Variants in SPTB observed in about 807,000 individuals in gnomAD.
SPTB encodes the protein spectrin beta, erythrocytic, also known as spectrin beta chain, erythrocytic.
SPTB carries 45 observed loss-of-function variants against 256.2 expected under a neutral mutation model. The ratio of observed to expected loss-of-function variants is 0.18; its 90% CI spans 0.14 to 0.23. The LOEUF (loss-of-function observed/expected upper bound fraction) is 0.23, where lower values mean the gene tolerates loss of function less well. Ranked by LOEUF, SPTB falls within the 10% of genes least tolerant of loss-of-function variation. The pLI, the probability that SPTB is intolerant of heterozygous loss-of-function variation, is 1.00. For synonymous variants in SPTB, 1,231 were observed against 1,243.1 expected (o/e 0.99, Z 0.21); for missense variants, 2,715 against 3,040.4 (o/e 0.89, Z 2.52).
In SPTB at chr14:64,802,341, A is replaced by T; in HGVS notation, c.475-24T>A. 6.2e-7 allele frequency: 1 copy of T among 1,611,380 alleles called. No individual in the cohort carries two copies. The highest frequency in any genetic ancestry group is 8.5e-7 in the Non-Finnish European group (1 of 1,177,892). ...ATCTGAGGGTAGCAGAACAAGAGAG[A>T]TTTGAAGAGGATGTGCATCTGGATC... On this transcript the variant is annotated intron_variant, in intron 4 of 35. Transcript: ENST00000644917. The surrounding 1 kb of genome is among the most constrained non-coding windows in gnomAD (Gnocchi z 5.1).
intron 15 of SPTB, among the ~76,000 whole-genome samples, chr14:64,788,077 TCACA>T (rs1239146124): frequency 6.6e-6 from 1 of 152,148 alleles, no homozygotes; most frequent in African/African-American, 2.4e-5. Context: ...TCAGACAAGC[TCACA>T]AATAACATAG....
Position 64,778,356 on chromosome 14 carries a change from T to C in SPTB, c.4563+801A>G, listed in dbSNP as rs1195410008. 6.6e-6 allele frequency among the ~76,000 whole-genome samples: 1 copy of C among 152,150 alleles called. No homozygotes were observed. The highest frequency in any genetic ancestry group is 2.4e-5 in the African/African-American group (1 of 41,434). On this transcript the variant is annotated intron_variant, in intron 22 of 35. Transcript: ENST00000644917. The surrounding 1 kb of genome is among the most constrained non-coding windows in gnomAD (Gnocchi z 5.2). The stretch of plus-strand genomic sequence containing the variant: ...AATACTAACCGGGCACTCTGGGACA[T>C]GTCACTTTTATCTGGGATCTAAGTT...
In SPTB at chr14:64,786,340, G is replaced by A; in HGVS notation, c.3561+64C>T. 3 of 1,594,628 alleles carry A rather than the reference G, an allele frequency of 1.9e-6. No homozygotes were observed. The highest frequency in any genetic ancestry group is 2.6e-6 in the Non-Finnish European group (3 of 1,165,814). On this transcript the variant is annotated intron_variant, in intron 16 of 35. Coordinates refer to ENST00000644917, the MANE Select transcript of SPTB (RefSeq NM_001355436.2). The surrounding 1 kb of genome is among the most constrained non-coding windows in gnomAD (Gnocchi z 5.6). ...TCCCTGAGTCTTACAGCACATTTGT[G>A]GACTCACCACAAGAGCTACTGCCCT...
At chr14:64,831,417 T>C (rs1448696459) in intron 1 of SPTB, among the ~76,000 whole-genome samples, 2 of 152,234 alleles carry the variant, frequency 1.3e-5, no homozygotes, top group African/African-American at 4.8e-5. Context: ...GGGTAATTCA[T>C]AGTAGTGAAA....
At chr14:64,876,538 C>G (rs185054965) in intron 1 of SPTB, among the ~76,000 whole-genome samples, 5 of 152,166 alleles carry the variant, frequency 3.3e-5, no homozygotes, top group Non-Finnish European at 5.9e-5. Context: ...ACGTATCTGA[C>G]GGTCTCAACA....
chr14:64,763,928 G>T, intron 32 of SPTB: 1 of 516,004 alleles, frequency 1.9e-6, no homozygotes, highest in Non-Finnish European at 3.9e-6. Flanking sequence ...GGACTGGGGT[G>T]GGGTGCCACC....
intron 1 of SPTB, among the ~76,000 whole-genome samples, chr14:64,830,097 T>C (rs1433729862): frequency 1.3e-5 from 2 of 152,192 alleles, no homozygotes; most frequent in African/African-American, 4.8e-5. Flanking sequence ...CTCAGTCTTT[T>C]TGACACTCTG....
At position 64,793,477 on chromosome 14, in the gene SPTB, T is replaced by G; in HGVS notation, c.2186A>C (p.Lys729Thr). The change falls in exon 14 of 36, where the codon AAG becomes ACG. Residue 729 changes from lysine (K) to threonine (T), a missense_variant. Physicochemically the swap from Lys to Thr is moderately conservative, Grantham distance 78. This residue lies in a region of SPTB where 2,239 missense variants were observed against 2,384.4 expected (regional missense o/e 0.94). Coordinates refer to ENST00000644917, the MANE Select transcript of SPTB (RefSeq NM_001355436.2). The surrounding 1 kb of genome is among the most constrained non-coding windows in gnomAD (Gnocchi z 7.0). ...KEVSAQWDQLKDLAAFCKKNL... is the reference protein window; with the variant it reads ...KEVSAQWDQLTDLAAFCKKNL... Reference sequence around the variant, plus strand: ...CTTCTTGCAGAAGGCAGCCAGGTCCTTCAGCTGGTCCCACTGTGCCGACAC... The same window carrying G: ...CTTCTTGCAGAAGGCAGCCAGGTCCGTCAGCTGGTCCCACTGTGCCGACAC... 1 of 1,614,180 alleles carries G rather than the reference T, an allele frequency of 6.2e-7. No homozygotes were observed. Among genetic ancestry groups the G allele is most frequent in the Non-Finnish European group, 8.5e-7 (1 of 1,180,050 alleles).
chr14:64,809,821 C>G (rs1038693457), intron 2 of SPTB, among the ~76,000 whole-genome samples: 1 of 151,966 alleles, frequency 6.6e-6, no homozygotes, highest in Admixed American at 6.6e-5. Flanking sequence ...AAAATGCATA[C>G]GAAGAAAACC....
Position 64,802,021 on chromosome 14 carries a change from C to T in SPTB, c.567-187G>A, listed in dbSNP as rs965420031. ...CATCAGATGTGAACACCACACAGAC[C>T]CCCCAGTCTGCCTGCAGGCAACTTT... On this transcript the variant is annotated intron_variant, in intron 5 of 35. Coordinates refer to ENST00000644917, the MANE Select transcript of SPTB (RefSeq NM_001355436.2). This position sits in a 1 kb window ranked among gnomAD's most constrained non-coding sequence, Gnocchi z 5.1. Among the ~76,000 whole-genome samples, 10 of 152,172 alleles carry T rather than the reference C, an allele frequency of 6.6e-5. No individual in the cohort carries two copies. Among genetic ancestry groups the T allele is most frequent in the African/African-American group, 2.2e-4 (9 of 41,442 alleles).
intron 19 of SPTB, among the ~76,000 whole-genome samples, chr14:64,783,147 T>TATA (rs2082501188): frequency 6.6e-6 from 1 of 152,196 alleles, no homozygotes; most frequent in African/African-American, 2.4e-5. Context: ...ATGTATCATT[T>TATA]TTGGGTGGGC....
At chr14:64,875,476 TCTC>T (rs1406001195) in intron 1 of SPTB, among the ~76,000 whole-genome samples, 1 of 151,940 alleles carries the variant, frequency 6.6e-6, no homozygotes, top group Non-Finnish European at 1.5e-5. Context: ...GACAGTTAAT[TCTC>T]CTGACTGCCT....
Position 64,786,774 on chromosome 14 carries a change from T to A in SPTB, c.3191A>T (p.Gln1064Leu). Residue 1064 changes from glutamine to leucine, a missense_variant, in exon 16 of 36, where the codon CAG becomes CTG. Physicochemically the swap from Gln to Leu is moderately radical, Grantham distance 113 (BLOSUM62 -2). Coordinates refer to ENST00000644917, the MANE Select transcript of SPTB (RefSeq NM_001355436.2). This position sits in a 1 kb window ranked among gnomAD's most constrained non-coding sequence, Gnocchi z 5.6. ...EDLLGEVSQLQAFLQDLDDFQ... is the reference protein window; with the variant it reads ...EDLLGEVSQLLAFLQDLDDFQ... ...GTCATCCAGATCCTGCAGGAAGGCC[T>A]GCAGCTGGCTGACTTCCCCCAGCAA... 1 of 1,614,058 alleles carries A rather than the reference T, an allele frequency of 6.2e-7. No individual in the cohort carries two copies. The highest frequency in any genetic ancestry group is 8.5e-7 in the Non-Finnish European group (1 of 1,180,020).
chr14:64,762,486 G>A (rs1251456425), intron 32 of SPTB, among the ~76,000 whole-genome samples: 3 of 152,204 alleles, frequency 2.0e-5, no homozygotes, highest in Admixed American at 6.5e-5. Context: ...GCCAGACACC[G>A]GCCAAGAGGT....
chr14:64,758,911 TCTG>T lies in SPTB; in HGVS notation c.6346-5121_6346-5119del, dbSNP rs1293771004. On this transcript the variant is annotated intron_variant, in intron 32 of 35. Transcript: ENST00000644917. This position sits in a 1 kb window ranked among gnomAD's most constrained non-coding sequence, Gnocchi z 4.6. ...GGGGCCTTTTATTTCTAGCCATGCC[TCTG>T]GGAGGGGTATGTAGGTAGAATCAAC... 6.6e-6 allele frequency among the ~76,000 whole-genome samples: 1 copy of T among 150,648 alleles called. No individual in the cohort carries two copies. Among genetic ancestry groups the T allele is most frequent in the African/African-American group, 2.5e-5 (1 of 40,796 alleles).
In SPTB at chr14:64,767,812, A is replaced by T. The variant is rs1225539653; in HGVS notation, c.6070T>A (p.Trp2024Arg). 1 of 1,613,918 alleles carries T rather than the reference A, an allele frequency of 6.2e-7. No individual in the cohort carries two copies. The highest frequency in any genetic ancestry group is 1.7e-5 in the Admixed American group (1 of 60,004). ...FSRDASVAEA[W>R]LIAQEPYLAS... is the part of the protein sequence containing the mutation. ...AGGTAGGGCTCCTGGGCAATCAGCC[A>T]CGCCTCAGCCACAGAGGCATCCCTC... is the stretch of plus-strand genomic sequence containing the variant. Residue 2024 changes from tryptophan to arginine, a missense_variant, in exon 30 of 36, where the codon TGG becomes AGG. This residue lies in a region of SPTB where 2,239 missense variants were observed against 2,384.4 expected (regional missense o/e 0.94). Coordinates refer to ENST00000644917, the MANE Select transcript of SPTB (RefSeq NM_001355436.2).
At chr14:64,791,990 G>T in intron 14 of SPTB, 134 bp from the exon 15 acceptor site, 1 of 1,241,706 alleles carries the variant, frequency 8.1e-7, no homozygotes, top group Non-Finnish European at 1.1e-6. Context: ...GCCCAGGTGA[G>T]GCAGGAGGAA....
rs539912506 is a variant in SPTB, at chr14:64,790,394, C to T, written c.2804+1325G>A. On this transcript the variant is annotated intron_variant, in intron 15 of 35. Coordinates refer to ENST00000644917, the MANE Select transcript of SPTB (RefSeq NM_001355436.2). This position sits in a 1 kb window ranked among gnomAD's most constrained non-coding sequence, Gnocchi z 4.8. ...ACCTGCTCTAGTTTCCTCAATTATGCAGCAATTGCAATAATCTCTACCACC... is the reference window on the plus strand; with the variant it reads ...ACCTGCTCTAGTTTCCTCAATTATGTAGCAATTGCAATAATCTCTACCACC... Among the ~76,000 whole-genome samples the T allele has an allele frequency of 2.6e-5, 4 of 152,276 alleles. No individual in the cohort carries two copies. In the South Asian group the frequency reaches 8.3e-4, roughly 32 times the overall value.
At position 64,873,150 on chromosome 14, in the gene SPTB, T is replaced by C. The variant is rs1882637239; in HGVS notation, c.-52+6642A>G. 6.6e-6 allele frequency among the ~76,000 whole-genome samples: 1 copy of C among 152,172 alleles called. No individual in the cohort carries two copies. The highest frequency in any genetic ancestry group is 2.4e-5 in the African/African-American group (1 of 41,444). Reference sequence around the variant, plus strand: ...CTACCTGAAATAGTAGAACCACCCTTCTTTCCCTTCATATTGCTTTATTTT... The same window carrying C: ...CTACCTGAAATAGTAGAACCACCCTCCTTTCCCTTCATATTGCTTTATTTT... On this transcript the variant is annotated intron_variant, in intron 1 of 35. Transcript: ENST00000644917. This position sits in a 1 kb window ranked among gnomAD's most constrained non-coding sequence, Gnocchi z 4.3.
Sources: allele counts gnomAD v4.1 joint callset (sites outside exome capture counted in the v4.1 genomes callset), GRCh38; gene constraint gnomAD v4.1.1; regional missense constraint gnomAD v4.1.1; non-coding constraint Gnocchi (gnomAD v3.1); transcripts MANE v1.5; gene names NCBI Gene and HGNC (gene_info 2026-07-23, HGNC 2026-07-21).